Variants in LRRC4C observed in about 807,000 individuals in gnomAD.
The protein encoded by LRRC4C is leucine-rich repeat-containing protein 4C.
In LRRC4C, 5 loss-of-function variants were observed where a neutral mutation model predicts 33.6. The observed-to-expected ratio is 0.15, with a 90% CI of 0.08 to 0.31. The LOEUF is 0.31. Ranked by LOEUF, LRRC4C falls within the 10% of genes least tolerant of loss-of-function variation. LRRC4C has a pLI of 1.00. For synonymous variants in LRRC4C, 329 were observed against 302.0 expected (o/e 1.09, Z -0.93); for missense variants, 560 against 796.7 (o/e 0.70, Z 3.58).
At chr11:40,181,721 C>T (rs1303668672) in intron 5 of LRRC4C, among the ~76,000 whole-genome samples, 1 of 152,102 alleles carries the variant, frequency 6.6e-6, no homozygotes, top group Admixed American at 6.5e-5. Flanking sequence ...CCATTCTTAC[C>T]CAACCATGAG....
chr11:40,651,278 C>T (rs1186841450), intron 2 of LRRC4C, among the ~76,000 whole-genome samples: 1 of 151,906 alleles, frequency 6.6e-6, no homozygotes, highest in Non-Finnish European at 1.5e-5. Context: ...AGTGTCTTAA[C>T]ACGTTCATCA....
intron 1 of LRRC4C, among the ~76,000 whole-genome samples, chr11:41,040,986 G>C (rs1474134317): frequency 6.6e-6 from 1 of 152,044 alleles, no homozygotes; most frequent in Non-Finnish European, 1.5e-5. Context: ...CACCACCTGG[G>C]TTTAAAAAAC....
intron 3 of LRRC4C, among the ~76,000 whole-genome samples, chr11:40,636,437 C>A (rs1463432503): frequency 6.6e-6 from 1 of 152,042 alleles, no homozygotes; most frequent in East Asian, 1.9e-4. Flanking sequence ...AATATAAGCA[C>A]AAAGACATTG....
intron 3 of LRRC4C, among the ~76,000 whole-genome samples, chr11:40,504,736 G>C (rs1197855198): frequency 6.6e-6 from 1 of 151,988 alleles, no homozygotes; most frequent in South Asian, 2.1e-4. Flanking sequence ...CTATTTTACT[G>C]TCTAGAATGT....
At chr11:41,047,033 C>T (rs1272768253) in intron 1 of LRRC4C, among the ~76,000 whole-genome samples, 1 of 152,022 alleles carries the variant, frequency 6.6e-6, no homozygotes. Context: ...TCAAAATTAA[C>T]AATTGTTGTG....
chr11:40,154,056 GA>G (rs752839743), intron 5 of LRRC4C, among the ~76,000 whole-genome samples: 15 of 152,046 alleles, frequency 9.9e-5, no homozygotes, highest in Non-Finnish European at 2.2e-4. Context: ...ACCTATAAAG[GA>G]AAATCTATCA....
intron 3 of LRRC4C, among the ~76,000 whole-genome samples, chr11:40,576,948 A>G (rs1371551456): frequency 6.6e-6 from 1 of 152,220 alleles, no homozygotes; most frequent in Non-Finnish European, 1.5e-5. Flanking sequence ...AGGCTTGATT[A>G]TGGTAACTTA....
intron 1 of LRRC4C, among the ~76,000 whole-genome samples, chr11:40,987,300 A>G (rs762809143): frequency 6.6e-6 from 1 of 152,146 alleles, no homozygotes; most frequent in Non-Finnish European, 1.5e-5. Flanking sequence ...CTGGATATTT[A>G]TTATTAAACA....
chr11:41,261,813 T>C (rs1948990834), intron 1 of LRRC4C, among the ~76,000 whole-genome samples: 1 of 152,130 alleles, frequency 6.6e-6, no homozygotes, highest in African/African-American at 2.4e-5. Context: ...GTGGAGATCA[T>C]ATTCAATGTG....
chr11:40,741,188 G>A (rs994068681), intron 2 of LRRC4C, among the ~76,000 whole-genome samples: 12 of 151,938 alleles, frequency 7.9e-5, no homozygotes, highest in Admixed American at 4.6e-4. Flanking sequence ...ACAATCTAAC[G>A]TATTGATCTC....
intron 1 of LRRC4C, among the ~76,000 whole-genome samples, chr11:41,177,039 T>G (rs2136128174): frequency 6.6e-6 from 1 of 151,424 alleles, no homozygotes; most frequent in African/African-American, 2.4e-5. Context: ...AGAAGAATAG[T>G]CAGGGGAGTC....
intron 3 of LRRC4C, among the ~76,000 whole-genome samples, chr11:40,444,336 A>C (rs1404861011): frequency 3.3e-5 from 5 of 149,280 alleles, no homozygotes; most frequent in African/African-American, 1.2e-4. Context: ...AATTTATTTT[A>C]TTTATTTTAT....
At chr11:41,368,228 T>C (rs563651811) in intron 1 of LRRC4C, among the ~76,000 whole-genome samples, 1 of 152,132 alleles carries the variant, frequency 6.6e-6, no homozygotes, top group Non-Finnish European at 1.5e-5. Flanking sequence ...CTCCGATAAA[T>C]TGCCAACCAA....
intron 5 of LRRC4C, among the ~76,000 whole-genome samples, chr11:40,163,131 T>C (rs369362920): frequency 1.2e-4 from 18 of 152,216 alleles, no homozygotes; most frequent in East Asian, 7.7e-4. Context: ...CCTTAAGCCA[T>C]TGCTTGGAAC....
At chr11:41,128,982 A>G (rs1774314225) in intron 1 of LRRC4C, among the ~76,000 whole-genome samples, 1 of 152,048 alleles carries the variant, frequency 6.6e-6, no homozygotes, top group South Asian at 2.1e-4. Context: ...ACAATTTGCT[A>G]TATATAAAAG....
chr11:40,781,974 A>G (rs1378168193), intron 2 of LRRC4C, among the ~76,000 whole-genome samples: 1 of 152,214 alleles, frequency 6.6e-6, no homozygotes, highest in Non-Finnish European at 1.5e-5. Context: ...GCAATTTGAA[A>G]CAAAAGAACC....
chr11:40,317,323 C>G lies in LRRC4C; in HGVS notation c.-176+2305G>C, dbSNP rs538980488. ...TTCCATTTCCTGATTATTCCTCATTCTTGTTTCATCACAGTATTTTAATTT... is the reference window on the plus strand; with the variant it reads ...TTCCATTTCCTGATTATTCCTCATTGTTGTTTCATCACAGTATTTTAATTT... On this transcript the variant is annotated intron_variant, in intron 4 of 6. Transcript: ENST00000528697. Among the ~76,000 whole-genome samples, 13 of 150,918 alleles carry G rather than the reference C, an allele frequency of 8.6e-5. No homozygotes were observed. In the South Asian group the frequency reaches 2.7e-3, roughly 31 times the overall value.
In LRRC4C at chr11:41,066,634, G is replaced by A. The variant is rs1179986615; in HGVS notation, c.-495-132911C>T. Among the ~76,000 whole-genome samples the A allele has an allele frequency of 3.3e-5, 5 of 152,228 alleles. No homozygotes were observed. In the East Asian group the frequency reaches 9.7e-4, roughly 29 times the overall value. On this transcript the variant is annotated intron_variant, in intron 1 of 6. Coordinates refer to ENST00000528697, the MANE Select transcript of LRRC4C (RefSeq NM_001258419.2). ...TCATCAGATTCTTCAAGGTTGAAAT[G>A]AAGGAAAAAATGTTAATGGCAGCCA...
Position 41,422,416 on chromosome 11 carries a change from T to C in LRRC4C, c.-496+37015A>G, listed in dbSNP as rs1954902497. On this transcript the variant is annotated intron_variant, in intron 1 of 6. Transcript: ENST00000528697. ...GGCAGGTCTAACAAAGGCTTTCCCA[T>C]TTTTCAAAAGAGATGGATTTGAGGA... Among the ~76,000 whole-genome samples the C allele has an allele frequency of 1.3e-5, 2 of 152,030 alleles. 1 individual carries two copies. Among genetic ancestry groups the C allele is most frequent in the South Asian group, 4.1e-4 (2 of 4,834 alleles).
Sources: allele counts gnomAD v4.1 joint callset (sites outside exome capture counted in the v4.1 genomes callset), GRCh38; gene constraint gnomAD v4.1.1; transcripts MANE v1.5; gene names NCBI Gene and HGNC (gene_info 2026-07-23, HGNC 2026-07-21).